Variants in NCOR1 observed in about 807,000 individuals in gnomAD.
NCOR1 encodes nuclear receptor corepressor 1, also known as protein phosphatase 1, regulatory subunit 109.
A neutral mutation model predicts 288.1 loss-of-function variants in NCOR1; 63 were observed. The observed-to-expected ratio is 0.22, with a 90% CI of 0.18 to 0.27. The LOEUF is 0.27. Ranked by LOEUF, NCOR1 falls within the 10% of genes least tolerant of loss-of-function variation. The pLI, the probability that NCOR1 is intolerant of heterozygous loss-of-function variation, is 1.00. For missense variants in NCOR1, 2,397 were observed against 3,019.2 expected (o/e 0.79, Z 4.83); for synonymous variants, 1,007 against 1,065.9 (o/e 0.94, Z 1.08).
chr17:16,064,870 C>G lies in NCOR1; in HGVS notation c.5101G>C (p.Gly1701Arg), dbSNP rs1279585935. The change falls in exon 34 of 46, where the codon GGA becomes CGA. Residue 1701 changes from glycine (G) to arginine (R), a missense_variant and splice_region_variant. Around this residue, in one of 11 missense-constraint regions of NCOR1, gnomAD observed 1,872 missense variants for 2,187.8 expected, o/e 0.86. Coordinates refer to ENST00000268712, the MANE Select transcript of NCOR1 (RefSeq NM_006311.4). ...GAGGTGTGTAACTGTACAATCTCAC[C>G]TGGAGACATGGAAGCAGAGTTGTAC... ...RPYNSASMSP[G>R]HPTHLAAAAS... 6.2e-7 allele frequency: 1 copy of G among 1,607,298 alleles called. No homozygotes were observed. The highest frequency in any genetic ancestry group is 8.5e-7 in the Non-Finnish European group (1 of 1,175,820).
intron 32 of NCOR1, among the ~76,000 whole-genome samples, chr17:16,066,257 G>A (rs2061109903): frequency 1.3e-5 from 2 of 152,134 alleles, no homozygotes; most frequent in African/African-American, 4.8e-5. Flanking sequence ...TGTCACTGTA[G>A]CACAAAAAGA....
intron 22 of NCOR1, among the ~76,000 whole-genome samples, chr17:16,090,606 A>G (rs1290473965): frequency 6.6e-6 from 1 of 152,202 alleles, no homozygotes; most frequent in African/African-American, 2.4e-5. Context: ...AAAGTTATCA[A>G]TATTTCTACC....
Position 16,202,350 on chromosome 17 carries a change from G to A in NCOR1, c.-70-7711C>T, listed in dbSNP as rs377188280. On this transcript the variant is annotated intron_variant, in intron 1 of 45. Transcript: ENST00000268712. The stretch of plus-strand genomic sequence containing the variant: ...TGGGAGGCAGAGGTTGCAGTGAGCC[G>A]AGATCGCACCCCTGCACTCCAGGCT... Among the ~76,000 whole-genome samples, 37 of 150,590 alleles carry A rather than the reference G, an allele frequency of 2.5e-4. 1 individual carries two copies. In the East Asian group the frequency reaches 6.2e-3, roughly 25 times the overall value.
At chr17:16,141,266 G>T (rs1209301389) in intron 11 of NCOR1, among the ~76,000 whole-genome samples, 1 of 151,990 alleles carries the variant, frequency 6.6e-6, no homozygotes, top group Non-Finnish European at 1.5e-5. Flanking sequence ...ACTAAATATT[G>T]TAATTGTCCC....
intron 3 of NCOR1, among the ~76,000 whole-genome samples, chr17:16,179,957 CAAAAAAA>C (rs34531259): frequency 1.3e-5 from 1 of 75,618 alleles, no homozygotes; most frequent in Non-Finnish European, 2.4e-5. Context: ...GACTCTGTCT[CAAAAAAA>C]AAAAAAAAAA....
intron 1 of NCOR1, among the ~76,000 whole-genome samples, chr17:16,199,475 C>T (rs1025670476): frequency 5.3e-5 from 8 of 152,078 alleles, no homozygotes; most frequent in East Asian, 3.9e-4. Context: ...AGAAACATTC[C>T]GATCTAGTAA....
intron 1 of NCOR1, among the ~76,000 whole-genome samples, chr17:16,201,623 C>G (rs2090825489): frequency 6.6e-6 from 1 of 152,004 alleles, no homozygotes; most frequent in African/African-American, 2.4e-5. Flanking sequence ...ATACATAATT[C>G]TTAAATGAAA....
rs1166101640 is a variant in NCOR1, at chr17:16,208,031, CTTTCTTTTTTTTTT to C, written c.-71+7317_-71+7330del. On this transcript the variant is annotated intron_variant, in intron 1 of 45. Transcript: ENST00000268712. ...CCTATCAACCAACCGTTCCATATTT[CTTTCTTTTTTTTTT>C]TTTTTTTTTTTTTTGAGACGGAGTC... is the stretch of plus-strand genomic sequence containing the variant. Among the ~76,000 whole-genome samples, 12 of 105,804 alleles carry C rather than the reference CTTTCTTTTTTTTTT, an allele frequency of 1.1e-4. No homozygotes were observed. In the Admixed American group the frequency reaches 1.2e-3, roughly 11 times the overall value. 69.4% of individuals were successfully genotyped at this position (105,804 alleles called of 152,430 possible).
At position 16,032,493 on chromosome 17, in the gene NCOR1, G is replaced by T. The variant is rs746697763; in HGVS notation, c.7136-10C>A. The T allele has an allele frequency of 1.3e-6, 2 of 1,558,218 alleles. No individual in the cohort carries two copies. Among genetic ancestry groups the T allele is most frequent in the Admixed American group, 2.1e-5 (1 of 47,756 alleles). On this transcript the variant is annotated splice_polypyrimidine_tract_variant and intron_variant, in intron 45 of 45. Transcript: ENST00000268712. ...GGAAACTGAGTTGAGCCTGACAAAA[G>T]AAAAATTAGGTTTTCATTGTCATGA... is the stretch of plus-strand genomic sequence containing the variant.
chr17:16,127,598 T>C (rs996066483), intron 14 of NCOR1, among the ~76,000 whole-genome samples: 2 of 146,904 alleles, frequency 1.4e-5, no homozygotes, highest in East Asian at 2.1e-4. Context: ...TATATGTATG[T>C]ATACATACAT....
At chr17:16,157,344 C>T (rs1244636435) in intron 6 of NCOR1, among the ~76,000 whole-genome samples, 1 of 152,026 alleles carries the variant, frequency 6.6e-6, no homozygotes, top group Non-Finnish European at 1.5e-5. Flanking sequence ...ATATTAATTG[C>T]CCATATTTTT....
chr17:16,202,085 G>A (rs1224465916), intron 1 of NCOR1, among the ~76,000 whole-genome samples: 6 of 152,000 alleles, frequency 3.9e-5, no homozygotes, highest in African/African-American at 7.2e-5. Context: ...TTAGCGGGGC[G>A]TAGTGGCGCA....
chr17:16,082,914 C>T (rs757666009), intron 23 of NCOR1, among the ~76,000 whole-genome samples: 13 of 152,172 alleles, frequency 8.5e-5, no homozygotes, highest in Middle Eastern at 6.8e-3. Context: ...GAAAGACATC[C>T]ATGAAAAACT....
rs1298415809 is a variant in NCOR1, at chr17:16,141,822, T to C, written c.1173+1784A>G. Among the ~76,000 whole-genome samples the C allele has an allele frequency of 3.3e-5, 5 of 152,320 alleles. No homozygotes were observed. In the East Asian group the frequency reaches 7.7e-4, roughly 23 times the overall value. On this transcript the variant is annotated intron_variant, in intron 11 of 45. Coordinates refer to ENST00000268712, the MANE Select transcript of NCOR1 (RefSeq NM_006311.4). The stretch of plus-strand genomic sequence containing the variant: ...GAATAGACTTGATTGAATATAGATA[T>C]GGAAAAGAACACACAGTTCCAGAGT...
At chr17:16,196,003 A>T (rs2089700260) in intron 1 of NCOR1, among the ~76,000 whole-genome samples, 1 of 151,468 alleles carries the variant, frequency 6.6e-6, no homozygotes. Context: ...CCCATGACAA[A>T]AATTTTATAT....
In NCOR1 at chr17:16,101,413, C is replaced by T. The variant is rs779268228; in HGVS notation, c.2527G>A (p.Glu843Lys). Residue 843 changes from glutamate to lysine, a missense_variant, in exon 20 of 46, where the codon GAA (glutamate) becomes AAA (lysine). Glu to Lys is a moderately conservative substitution (Grantham distance 56). This residue lies in a region of NCOR1 where 1,872 missense variants were observed against 2,187.8 expected (regional missense o/e 0.86). Transcript: ENST00000268712. The stretch of plus-strand genomic sequence containing the variant: ...TCACTGGCTCTATCCAAGTCTCTTT[C>T]TTTGGTATTATCACCTTCAACTTTA... ...ASKVEGDNTKERDLDRASEKV... is the reference protein window; with the variant it reads ...ASKVEGDNTKKRDLDRASEKV... 4.3e-6 allele frequency: 7 copies of T among 1,614,104 alleles called. No individual in the cohort carries two copies. In the African/African-American group the frequency reaches 6.7e-5, roughly 15 times the overall value.
rs142566583 is a variant in NCOR1 at position 16,202,569 on chromosome 17, C to G, written c.-70-7930G>C. Among the ~76,000 whole-genome samples the G allele has an allele frequency of 1.8e-4, 27 of 152,234 alleles. No homozygotes were observed. The East Asian group carries it at 4.1e-3, about 23-fold the overall frequency. On this transcript the variant is annotated intron_variant, in intron 1 of 45. Coordinates refer to ENST00000268712, the MANE Select transcript of NCOR1 (RefSeq NM_006311.4). ...TATAACAATGTCTAAGTGGATATTACTAAAAGAGTTACCATTTACTGAGCT... is the reference window on the plus strand; with the variant it reads ...TATAACAATGTCTAAGTGGATATTAGTAAAAGAGTTACCATTTACTGAGCT...
intron 22 of NCOR1, among the ~76,000 whole-genome samples, chr17:16,090,516 G>A (rs1440187311): frequency 6.6e-6 from 1 of 152,052 alleles, no homozygotes; most frequent in African/African-American, 2.4e-5. Flanking sequence ...TTCCTTTAAG[G>A]TGTAATTACT....
intron 32 of NCOR1, among the ~76,000 whole-genome samples, chr17:16,066,608 C>A (rs1222591027): frequency 6.6e-6 from 1 of 152,102 alleles, no homozygotes; most frequent in East Asian, 1.9e-4. Context: ...CCTAGAAAAA[C>A]AAGTAACATG....
Sources: gnomAD v4.1 joint callset for allele counts (sites outside exome capture counted in the v4.1 genomes callset) on GRCh38, gnomAD v4.1.1 for gene constraint, gnomAD v4.1.1 regional missense constraint, MANE v1.5 for transcripts, NCBI Gene and HGNC (gene_info 2026-07-23, HGNC 2026-07-21) for gene names.